The following PEF1 variants were observed in gnomAD, a reference collection of about 807,000 sequenced individuals.
PEF1 encodes the protein penta-EF-hand domain containing 1.
A neutral mutation model predicts 32.0 loss-of-function variants in PEF1; 17 were observed. That is an observed-to-expected ratio of 0.53 (90% CI 0.36 to 0.80). The LOEUF is 0.80. PEF1 is among the 30% of genes least tolerant of loss of function. The pLI is 0.00. For missense variants in PEF1, 362 were observed against 369.1 expected, an observed-to-expected ratio of 0.98 and a Z score of 0.16; for synonymous variants, 130 against 139.8, an observed-to-expected ratio of 0.93 and a Z score of 0.50.
At chr1:31,635,628 C>G in intron 1 of PEF1, 106 bp from the exon 2 acceptor site, 1 of 1,133,100 alleles carries the variant, frequency 8.8e-7, no homozygotes, top group Non-Finnish European at 1.2e-6. Flanking sequence ...TTCAACTGAT[C>G]CTATAGGTAG....
At position 31,632,479 on chromosome 1, in the gene PEF1, C is replaced by T. The variant is rs1308963478; in HGVS notation, c.625+16G>A. On this transcript the variant is annotated intron_variant, in intron 4 of 4. Coordinates refer to ENST00000373703, the MANE Select transcript of PEF1 (RefSeq NM_012392.4). ...TAGCTCTGTCCTGCCCATCGTGCCC[C>T]GGCCATGACCCGCACCTTGCTGCAG... 6.8e-6 allele frequency: 11 copies of T among 1,614,116 alleles called. No homozygotes were observed. Among genetic ancestry groups the T allele is most frequent in the African/African-American group, 1.3e-5 (1 of 74,940 alleles).
chr1:31,634,727 A>C, intron 2 of PEF1: 1 of 392,902 alleles, frequency 2.5e-6, no homozygotes, highest in Non-Finnish European at 5.1e-6. Flanking sequence ...ATCCTCTCCC[A>C]CTGCCTGGTG....
chr1:31,633,377 C>T lies in PEF1; in HGVS notation c.326-63G>A. ...CAGGAAGGGCCAGCCTCAGTAACTT[C>T]CTGGCTACAGGTTTCTCCTACACAC... On this transcript the variant is annotated intron_variant, in intron 2 of 4. Coordinates refer to ENST00000373703, the MANE Select transcript of PEF1 (RefSeq NM_012392.4). The T allele has an allele frequency of 3.3e-6, 5 of 1,508,594 alleles. No individual in the cohort carries two copies. The South Asian group carries it at 5.1e-5, about 15-fold the overall frequency. The allele number at this position is 1,508,594 out of a possible 1,614,324, so 93.5% of individuals were successfully genotyped here.
At chr1:31,638,648 C>G (rs1308386157) in intron 1 of PEF1, among the ~76,000 whole-genome samples, 2 of 152,280 alleles carry the variant, frequency 1.3e-5, no homozygotes, top group African/African-American at 4.8e-5. Flanking sequence ...CTATTGTAGT[C>G]TGGCAGCAAT....
chr1:31,644,525 C>T (rs1640497309), intron 1 of PEF1: 1 of 1,343,128 alleles, frequency 7.4e-7, no homozygotes, highest in Admixed American at 3.5e-5. Context: ...TGCCCCCGCC[C>T]AAGGCCCCCA....
intron 3 of PEF1, 120 bp from the exon 4 acceptor site, chr1:31,632,758 A>G (rs1422347467): frequency 8.2e-7 from 1 of 1,220,804 alleles, no homozygotes; most frequent in East Asian, 2.5e-5. Flanking sequence ...TCACAGAACC[A>G]AGCCCTGAGG....
At chr1:31,634,382 A>G (rs1293456601) in intron 2 of PEF1, among the ~76,000 whole-genome samples, 1 of 152,122 alleles carries the variant, frequency 6.6e-6, no homozygotes, top group African/African-American at 2.4e-5. Context: ...AAAATGTACA[A>G]TTTTCTGAGT....
chr1:31,644,267 C>T, intron 1 of PEF1: 1 of 629,562 alleles, frequency 1.6e-6, no homozygotes, highest in South Asian at 6.8e-5. Flanking sequence ...CTGACCTCGG[C>T]CCTGCTGCCT....
chr1:31,632,357 C>T (rs746808790), intron 4 of PEF1, 138 bp downstream of exon 4: 36 of 1,432,682 alleles, frequency 2.5e-5, no homozygotes, highest in Non-Finnish European at 2.5e-5. Flanking sequence ...GTGAGGGATG[C>T]AGGCCTGCAC....
chr1:31,635,186 C>G (rs773916522), intron 2 of PEF1, 36 bp downstream of exon 2: 4 of 1,606,290 alleles, frequency 2.5e-6, no homozygotes, highest in Non-Finnish European at 3.4e-6. Context: ...CTCAGAACCA[C>G]GTCAGAGGTA....
intron 1 of PEF1, among the ~76,000 whole-genome samples, chr1:31,641,280 C>T (rs2148625381): frequency 1.3e-5 from 2 of 152,316 alleles, no homozygotes; most frequent in East Asian, 3.9e-4. Flanking sequence ...TCTCAAATCT[C>T]CTCTACCAGG....
chr1:31,642,753 G>A (rs1470141322), intron 1 of PEF1, among the ~76,000 whole-genome samples: 1 of 152,194 alleles, frequency 6.6e-6, no homozygotes, highest in Non-Finnish European at 1.5e-5. Flanking sequence ...GGCAGCAAGA[G>A]CTGCCACCAG....
In PEF1 at chr1:31,630,781, G is replaced by T; in HGVS notation, c.687C>A (p.Tyr229Ter). ...PQFTQLLVSR[Y>*]CPRSANPAMQ... ...TGGCAGGATTGGCAGAGCGTGGGCA[G>T]TAGCGGGAGACCAGAAGCTGGGTGA... Residue 229 changes from tyrosine (Y) to a stop codon, truncating the protein, a stop_gained, in exon 5 of 5, where the codon TAC (tyrosine) becomes TAA (stop). Transcript: ENST00000373703. LOFTEE classifies it high-confidence loss of function. 1 of 1,613,820 alleles carries T rather than the reference G, an allele frequency of 6.2e-7. No homozygotes were observed.
chr1:31,639,582 A>G (rs1326469283), intron 1 of PEF1, among the ~76,000 whole-genome samples: 2 of 152,252 alleles, frequency 1.3e-5, no homozygotes, highest in Non-Finnish European at 1.5e-5. Context: ...TGTTTAGAGA[A>G]GTAACCAGCG....
chr1:31,640,164 CCTGGGGGGA>C (rs1640358920), intron 1 of PEF1, among the ~76,000 whole-genome samples: 1 of 152,084 alleles, frequency 6.6e-6, no homozygotes, highest in Non-Finnish European at 1.5e-5. Flanking sequence ...CATCTGATGC[CCTGGGGGGA>C]CTGGGGGCAA....
intron 1 of PEF1, among the ~76,000 whole-genome samples, chr1:31,638,938 A>G (rs146820656): frequency 6.8e-4 from 104 of 152,368 alleles, no homozygotes; most frequent in African/African-American, 2.4e-3. Context: ...GCCCACAGAT[A>G]ATTGTGATAC....
intron 1 of PEF1, among the ~76,000 whole-genome samples, chr1:31,639,339 G>C (rs529220234): frequency 2.6e-5 from 4 of 152,304 alleles, no homozygotes; most frequent in Admixed American, 2.0e-4. Context: ...CAGTGTCTAA[G>C]AGTAGTTTCT....
In PEF1 at chr1:31,630,634, C is replaced by T. The variant is rs763606589; in HGVS notation, c.834G>A (p.Met278Ile). The change falls in exon 5 of 5, where the codon ATG becomes ATA. Residue 278 changes from methionine to isoleucine, a missense_variant. Physicochemically the swap from Met to Ile is conservative, Grantham distance 10. Coordinates refer to ENST00000373703, the MANE Select transcript of PEF1 (RefSeq NM_012392.4). ...IRLSFEDFVT[M>I]TASRML Reference sequence around the variant, plus strand: ...TGGGTCATAGCATCCGAGAAGCTGTCATGGTGACGAAGTCCTCGAAGCTGA... The same window carrying T: ...TGGGTCATAGCATCCGAGAAGCTGTTATGGTGACGAAGTCCTCGAAGCTGA... 6.2e-7 allele frequency: 1 copy of T among 1,612,546 alleles called. No individual in the cohort carries two copies. Among genetic ancestry groups the T allele is most frequent in the Non-Finnish European group, 8.5e-7 (1 of 1,180,030 alleles).
At chr1:31,642,954 T>G (rs573345286) in intron 1 of PEF1, among the ~76,000 whole-genome samples, 123 of 152,372 alleles carry the variant, frequency 8.1e-4, no homozygotes, top group Middle Eastern at 3.4e-3. Flanking sequence ...CTCTCTAACC[T>G]GTCACTGCTT....
Sources: gnomAD v4.1 joint callset for allele counts (sites outside exome capture counted in the v4.1 genomes callset) on GRCh38, gnomAD v4.1.1 for gene constraint, MANE v1.5 for transcripts, NCBI Gene and HGNC (gene_info 2026-07-23, HGNC 2026-07-21) for gene names.